The following NRXN2 variants were observed in gnomAD, a reference collection of about 807,000 sequenced individuals.
NRXN2 encodes neurexin-2-beta.
In NRXN2, 29 loss-of-function variants were observed where a neutral mutation model predicts 128.8. That is an observed-to-expected ratio of 0.23 (90% CI 0.17 to 0.31). The LOEUF (loss-of-function observed/expected upper bound fraction) is 0.31, where lower values mean the gene tolerates loss of function less well. NRXN2 is among the 10% of genes least tolerant of loss of function. The pLI, the probability that NRXN2 is intolerant of heterozygous loss-of-function variation, is 1.00. For missense variants in NRXN2, 1,881 were observed against 2,452.6 expected, an observed-to-expected ratio of 0.77 and a Z score of 4.92; for synonymous variants, 1,098 against 1,075.2, an observed-to-expected ratio of 1.02 and a Z score of -0.41.
rs2039729727 is a variant in NRXN2 at position 64,606,994 on chromosome 11, C to T, written c.*202G>A. ...CTGAGAGGGACAGTCAGCCCCGGGA[C>T]TGACGAGGCCGCGCAGTGGACGGCA... On this transcript the variant is annotated 3_prime_UTR_variant, in exon 23 of 23. Transcript: ENST00000265459. 1 of 604,260 alleles carries T rather than the reference C, an allele frequency of 1.7e-6. No individual in the cohort carries two copies. The highest frequency in any genetic ancestry group is 2.9e-6 in the Non-Finnish European group (1 of 345,242). 37.4% of individuals were successfully genotyped at this position (604,260 alleles called of 1,614,324 possible).
chr11:64,613,828 C>T (rs183047055), intron 22 of NRXN2, among the ~76,000 whole-genome samples: 43 of 152,214 alleles, frequency 2.8e-4, no homozygotes, highest in Non-Finnish European at 5.0e-4. Flanking sequence ...CAATCCAAGG[C>T]GTGGAGGCTG....
At chr11:64,719,605 G>T (rs2057381710) in intron 1 of NRXN2, among the ~76,000 whole-genome samples, 2 of 152,168 alleles carry the variant, frequency 1.3e-5, no homozygotes, top group African/African-American at 4.8e-5. Flanking sequence ...AGCTGGGGAA[G>T]CGGGTGGGCT....
chr11:64,692,937 A>T, intron 3 of NRXN2, 61 bp from the exon 4 acceptor site: 1 of 1,420,164 alleles, frequency 7.0e-7, no homozygotes, highest in African/African-American at 1.4e-5. Context: ...AAGAAAGAAA[A>T]GGGGAAAGAA....
chr11:64,608,693 G>T (rs1003347602), intron 22 of NRXN2, among the ~76,000 whole-genome samples: 41 of 152,010 alleles, frequency 2.7e-4, no homozygotes, highest in Admixed American at 1.3e-4. Context: ...CTATCTGTTC[G>T]GTATCTCCCT....
Position 64,623,203 on chromosome 11 carries a change from G to A in NRXN2, c.3848-125C>T. On this transcript the variant is annotated intron_variant, in intron 20 of 22. Coordinates refer to ENST00000265459, the MANE Select transcript of NRXN2 (RefSeq NM_015080.4). The surrounding 1 kb of genome is among the most constrained non-coding windows in gnomAD (Gnocchi z 4.9). ...ATGGAGGAGAAAGCCAGTAAGGGAG[G>A]AGGGGACGGGGAGAAATGAGGAAGG... 2 of 1,405,880 alleles carry A rather than the reference G, an allele frequency of 1.4e-6. No individual in the cohort carries two copies. The highest frequency in any genetic ancestry group is 1.9e-6 in the Non-Finnish European group (2 of 1,061,062). The allele number at this position is 1,405,880 out of a possible 1,614,324, so 87.1% of individuals were successfully genotyped here.
At chr11:64,642,678 C>A (rs373007284) in intron 17 of NRXN2, 8 of 1,556,114 alleles carry the variant, frequency 5.1e-6, no homozygotes, top group Admixed American at 1.9e-5. Context: ...CCAGCAGCAA[C>A]AGCAGCAACA....
At chr11:64,694,235 T>G (rs1466212025) in intron 3 of NRXN2, among the ~76,000 whole-genome samples, 1 of 151,730 alleles carries the variant, frequency 6.6e-6, no homozygotes, top group African/African-American at 2.4e-5. Flanking sequence ...GCCAAGAGGG[T>G]AGGAAGGGGA....
At chr11:64,618,319 CCCAG>C (rs1206521912) in intron 22 of NRXN2, among the ~76,000 whole-genome samples, 1 of 152,192 alleles carries the variant, frequency 6.6e-6, no homozygotes, top group Non-Finnish European at 1.5e-5. Flanking sequence ...ACCATCTGGC[CCCAG>C]ATACCCCTCT....
At chr11:64,664,739 C>T (rs1315789019) in intron 9 of NRXN2, among the ~76,000 whole-genome samples, 1 of 152,114 alleles carries the variant, frequency 6.6e-6, no homozygotes, top group Non-Finnish European at 1.5e-5. Flanking sequence ...CGCCTGTAAT[C>T]CCATCACTTT....
intron 22 of NRXN2, among the ~76,000 whole-genome samples, chr11:64,615,630 C>T (rs1463511813): frequency 1.3e-5 from 2 of 152,196 alleles, no homozygotes; most frequent in Non-Finnish European, 2.9e-5. Context: ...TATGTGTGTG[C>T]TCCTGTGGGT....
rs1323973435 is a variant in NRXN2 at position 64,694,665 on chromosome 11, TC to T, written c.749-1790del. Among the ~76,000 whole-genome samples, 6 of 152,204 alleles carry T rather than the reference TC, an allele frequency of 3.9e-5. No individual in the cohort carries two copies. The East Asian group carries it at 1.2e-3, about 29-fold the overall frequency. ...AGGACCCAAGCATTTGAACCGAGTC[TC>T]CTCATTCCTTACTCTGAATACCCTC... On this transcript the variant is annotated intron_variant, in intron 3 of 22. Coordinates refer to ENST00000265459, the MANE Select transcript of NRXN2 (RefSeq NM_015080.4).
At chr11:64,699,508 G>A (rs1214809684) in intron 2 of NRXN2, among the ~76,000 whole-genome samples, 2 of 119,048 alleles carry the variant, frequency 1.7e-5, no homozygotes, top group Admixed American at 2.4e-4. Flanking sequence ...TCAGCTCACC[G>A]CAACCTCCAC....
In NRXN2 at chr11:64,630,775, G is replaced by C. The variant is rs2043794395; in HGVS notation, c.3586-202C>G. ...ACTTGAGGCCGGAGGTGCGTGCAGA[G>C]CCTGGGCCCAGAGCGCCTTCCACTA... is the stretch of plus-strand genomic sequence containing the variant. On this transcript the variant is annotated intron_variant, in intron 18 of 22. Transcript: ENST00000265459. This position sits in a 1 kb window ranked among gnomAD's most constrained non-coding sequence, Gnocchi z 4.6. Among the ~76,000 whole-genome samples the C allele has an allele frequency of 6.6e-6, 1 of 152,194 alleles. No homozygotes were observed.
chr11:64,646,816 T>A (rs1033364264), intron 17 of NRXN2, among the ~76,000 whole-genome samples: 4 of 148,388 alleles, frequency 2.7e-5, no homozygotes, highest in Non-Finnish European at 4.5e-5. Flanking sequence ...GCAGTCAGGC[T>A]GGAACACCCT....
chr11:64,678,473 C>T (rs755039755), intron 6 of NRXN2, among the ~76,000 whole-genome samples: 7 of 152,002 alleles, frequency 4.6e-5, no homozygotes, highest in Non-Finnish European at 8.8e-5. Flanking sequence ...ACCCATAAAC[C>T]CCTGAGTCTC....
chr11:64,714,388 T>C lies in NRXN2; in HGVS notation c.-244-445A>G, dbSNP rs183317059. ...AGCCACTGTTCCTCTCATCAGCTCT[T>C]GATACTGGATAATGAAGTTGCTAAA... On this transcript the variant is annotated intron_variant, in intron 1 of 22. Coordinates refer to ENST00000265459, the MANE Select transcript of NRXN2 (RefSeq NM_015080.4). This position sits in a 1 kb window ranked among gnomAD's most constrained non-coding sequence, Gnocchi z 4.5. 2.9e-4 allele frequency among the ~76,000 whole-genome samples: 44 copies of C among 152,264 alleles called. No homozygotes were observed. The East Asian group carries it at 5.2e-3, about 18-fold the overall frequency.
rs754019994 is a variant in NRXN2, at chr11:64,607,470, G to A, written c.4865C>T (p.Pro1622Leu). The A allele has an allele frequency of 6.2e-6, 10 of 1,608,128 alleles. No homozygotes were observed. The highest frequency in any genetic ancestry group is 2.7e-5 in the African/African-American group (2 of 74,824). ...ANPTGPGERG[P>L]PGAVEVIRES... Reference sequence around the variant, plus strand: ...CCGGATCACCTCCACTGCGCCCGGCGGGCCCCGCTCCCCAGGCCCTGTGGG... The same window carrying A: ...CCGGATCACCTCCACTGCGCCCGGCAGGCCCCGCTCCCCAGGCCCTGTGGG... The change falls in exon 23 of 23, where the codon CCG becomes CTG. Residue 1622 changes from proline (P) to leucine (L), a missense_variant. Coordinates refer to ENST00000265459, the MANE Select transcript of NRXN2 (RefSeq NM_015080.4).
intron 1 of NRXN2, among the ~76,000 whole-genome samples, chr11:64,720,006 C>A (rs1299797964): frequency 9.9e-5 from 15 of 152,200 alleles, no homozygotes; most frequent in Admixed American, 9.8e-4. Flanking sequence ...AGTAGGTACA[C>A]AATAAACATG....
chr11:64,621,364 T>C (rs1416060878), intron 21 of NRXN2, among the ~76,000 whole-genome samples: 1 of 151,974 alleles, frequency 6.6e-6, no homozygotes, highest in Non-Finnish European at 1.5e-5. Flanking sequence ...TCCCCTATGA[T>C]TTGGAGGGTA....
Sources: gnomAD v4.1 joint callset for allele counts (sites outside exome capture counted in the v4.1 genomes callset) on GRCh38, gnomAD v4.1.1 for gene constraint, Gnocchi (gnomAD v3.1) non-coding constraint, MANE v1.5 for transcripts, NCBI Gene and HGNC (gene_info 2026-07-23, HGNC 2026-07-21) for gene names.